Variants in RIMS3 observed in about 807,000 individuals in gnomAD.
The protein encoded by RIMS3 is regulating synaptic membrane exocytosis 3, also known as regulating synaptic membrane exocytosis protein 3.
Under a neutral mutation model 29.2 loss-of-function variants are expected in RIMS3, and 15 were observed. The observed-to-expected ratio is 0.51, with a 90% CI of 0.34 to 0.79. The LOEUF (loss-of-function observed/expected upper bound fraction) is 0.79. Ranked by LOEUF, RIMS3 falls within the 30% of genes least tolerant of loss-of-function variation. The probability of loss-of-function intolerance (pLI) is 0.01; values close to 1 mark genes in which losing one functional copy is unlikely to be tolerated. For missense variants in RIMS3, 342 were observed against 421.4 expected (o/e 0.81, Z 1.65); for synonymous variants, 161 against 170.1 (o/e 0.95, Z 0.41).
At chr1:40,646,323 C>T (rs1225819346) in intron 2 of RIMS3, among the ~76,000 whole-genome samples, 1 of 152,148 alleles carries the variant, frequency 6.6e-6, no homozygotes, top group Non-Finnish European at 1.5e-5. Flanking sequence ...CCTGAGCCAT[C>T]AGACCACAGG....
chr1:40,688,199 G>A, the RIMS3 span, among the ~76,000 whole-genome samples: 2 of 152,048 alleles, frequency 1.3e-5, no homozygotes, highest in African/African-American at 4.8e-5. Context: ...TCCTGACCTC[G>A]TGATCTGCCC....
chr1:40,682,739 A>ATTTTTTTTTTTTTTTTTTTTT, the RIMS3 span, among the ~76,000 whole-genome samples: 12 of 46,518 alleles, frequency 2.6e-4, no homozygotes, highest in African/African-American at 7.0e-4. Flanking sequence ...CCCTTTGCAG[A>ATTTTTTTTTTTTTTTTTTTTT]TCTTTTTTTT....
upstream of RIMS3, among the ~76,000 whole-genome samples, chr1:40,667,398 G>T (rs1009571637): frequency 5.9e-5 from 9 of 152,106 alleles, no homozygotes; most frequent in Admixed American, 3.3e-4. Flanking sequence ...GGGTGGAGGT[G>T]AGGGGTGGGA....
the RIMS3 span, among the ~76,000 whole-genome samples, chr1:40,685,081 G>A: frequency 6.6e-6 from 1 of 151,890 alleles, no homozygotes; most frequent in Admixed American, 6.6e-5. Context: ...GAGGCTATGA[G>A]GAGGTACTGG....
Position 40,623,050 on chromosome 1 carries a change from T to G in RIMS3, c.*3467A>C. ...GCTTCCCTGGTGGGTGGCATGACCA[T>G]GGGAGGACTGGCTTGACCTCAGTGT... On this transcript the variant is annotated 3_prime_UTR_variant, in exon 8 of 8. Coordinates refer to ENST00000372684, the MANE Select transcript of RIMS3 (RefSeq NM_014747.3). The G allele has an allele frequency of 4.8e-6, 1 of 207,932 alleles. No homozygotes were observed. Among genetic ancestry groups the G allele is most frequent in the Non-Finnish European group, 9.5e-6 (1 of 104,858 alleles). 12.9% of individuals were successfully genotyped at this position (207,932 alleles called of 1,614,324 possible). A position where few individuals can be genotyped will look rare whatever the true frequency, so the allele number is the denominator to read the frequency against.
At chr1:40,627,526 C>CCCTAA (rs1294700257) in intron 7 of RIMS3, among the ~76,000 whole-genome samples, 1 of 152,182 alleles carries the variant, frequency 6.6e-6, no homozygotes, top group African/African-American at 2.4e-5. Context: ...CTGTGCCCGG[C>CCCTAA]CGTTATTCCT....
At chr1:40,642,818 T>C (rs544249236) in intron 2 of RIMS3, among the ~76,000 whole-genome samples, 16 of 102,636 alleles carry the variant, frequency 1.6e-4, no homozygotes, top group African/African-American at 5.7e-4. Flanking sequence ...TAGCTGGGCG[T>C]GGTGGTGGGC....
intron 3 of RIMS3, among the ~76,000 whole-genome samples, chr1:40,639,943 T>C (rs1646544956): frequency 6.6e-6 from 1 of 152,156 alleles, no homozygotes; most frequent in Non-Finnish European, 1.5e-5. Flanking sequence ...CATTCATCTC[T>C]TCTCAAGATG....
At chr1:40,659,142 A>C (rs1642314254) in intron 1 of RIMS3, among the ~76,000 whole-genome samples, 1 of 152,056 alleles carries the variant, frequency 6.6e-6, no homozygotes, top group Admixed American at 6.6e-5. Flanking sequence ...GATTTTGAAG[A>C]ATTAAGGACA....
chr1:40,687,264 A>G, the RIMS3 span, among the ~76,000 whole-genome samples: 16 of 152,300 alleles, frequency 1.1e-4, no homozygotes, highest in South Asian at 4.1e-4. Context: ...TGATGGATGC[A>G]CAACGTGAAC....
At chr1:40,650,506 C>T (rs991679691) in intron 1 of RIMS3, among the ~76,000 whole-genome samples, 11 of 152,160 alleles carry the variant, frequency 7.2e-5, no homozygotes, top group African/African-American at 9.7e-5. Flanking sequence ...TCTCCCAGCC[C>T]GTCCCATGCC....
rs1312527295 is a variant in RIMS3 at position 40,636,624 on chromosome 1, A to G, written c.218-567T>C. Among the ~76,000 whole-genome samples, 1 of 152,172 alleles carries G rather than the reference A, an allele frequency of 6.6e-6. No individual in the cohort carries two copies. The highest frequency in any genetic ancestry group is 1.5e-5 in the Non-Finnish European group (1 of 68,038). ...CCACCTTCTCTAGGTGGGGCTGAAC[A>G]TGGAGAGGACGTGTGTGGAGAGCTG... On this transcript the variant is annotated intron_variant, in intron 3 of 7. Transcript: ENST00000372684. This position sits in a 1 kb window ranked among gnomAD's most constrained non-coding sequence, Gnocchi z 4.2.
the RIMS3 span, among the ~76,000 whole-genome samples, chr1:40,687,120 G>A: frequency 5.4e-4 from 82 of 152,210 alleles, 1 homozygote; most frequent in African/African-American, 1.9e-3. Context: ...GTATACTAAT[G>A]TCCACAGAAG....
Position 40,620,778 on chromosome 1 carries a change from T to G in RIMS3, c.*5739A>C, listed in dbSNP as rs1163399676. On this transcript the variant is annotated 3_prime_UTR_variant, in exon 8 of 8. Transcript: ENST00000372684. ...CTCCTCAAGGGAATTGGCAAGAATG[T>G]TGTACGAAACAGCCGGCAGTCCCTC... 2.0e-5 allele frequency: 3 copies of G among 152,660 alleles called. No homozygotes were observed. The highest frequency in any genetic ancestry group is 7.2e-5 in the African/African-American group (3 of 41,460). 9.5% of individuals were successfully genotyped at this position (152,660 alleles called of 1,614,324 possible).
At chr1:40,675,110 T>A in the RIMS3 span, among the ~76,000 whole-genome samples, 117,108 of 151,874 alleles carry the variant, frequency 0.77, 45,759 homozygotes, top group African/African-American at 0.89. Context: ...GGAAAAAAAA[T>A]TTTTTTTAAT....
chr1:40,682,598 G>A, the RIMS3 span, among the ~76,000 whole-genome samples: 3 of 152,064 alleles, frequency 2.0e-5, no homozygotes, highest in African/African-American at 7.2e-5. Flanking sequence ...CCCTCCAGAG[G>A]AAAGGAATTT....
intron 1 of RIMS3, among the ~76,000 whole-genome samples, chr1:40,657,746 CAAAAAA>C (rs34448324): frequency 5.7e-5 from 5 of 88,106 alleles, no homozygotes; most frequent in South Asian, 3.9e-4. Context: ...GACAATGTCT[CAAAAAA>C]AAAAAAAAAA....
the RIMS3 span, chr1:40,691,269 C>T: frequency 6.0e-3 from 951 of 158,242 alleles, 6 homozygotes; most frequent in African/African-American, 0.019. Flanking sequence ...ATTTAAGGTG[C>T]CAGTAGCTGT....
At chr1:40,664,717 C>T (rs1451782941) in intron 1 of RIMS3, among the ~76,000 whole-genome samples, 1 of 152,084 alleles carries the variant, frequency 6.6e-6, no homozygotes, top group African/African-American at 2.4e-5. Context: ...GCTGAGTTGT[C>T]CAGAGGTGAT....
Sources: allele counts gnomAD v4.1 joint callset (sites outside exome capture counted in the v4.1 genomes callset), GRCh38; gene constraint gnomAD v4.1.1; non-coding constraint Gnocchi (gnomAD v3.1); transcripts MANE v1.5; gene names NCBI Gene and HGNC (gene_info 2026-07-23, HGNC 2026-07-21).